Variants in PIEZO2 observed in about 807,000 individuals in gnomAD.
The protein encoded by PIEZO2 is piezo-type mechanosensitive ion channel component 2.
Under a neutral mutation model 337.3 loss-of-function variants are expected in PIEZO2, and 172 were observed. The ratio of observed to expected loss-of-function variants is 0.51; its 90% CI spans 0.45 to 0.58. The LOEUF is 0.58. PIEZO2 is among the 20% of genes least tolerant of loss of function. PIEZO2 has a pLI of 0.00. For missense variants in PIEZO2, 3,028 were observed against 3,391.3 expected (o/e 0.89, Z 2.66); for synonymous variants, 1,251 against 1,228.5 (o/e 1.02, Z -0.38).
intron 3 of PIEZO2, among the ~76,000 whole-genome samples, chr18:10,941,748 A>G (rs264157): frequency 0.57 from 86,345 of 152,048 alleles, 24,742 homozygotes; most frequent in Admixed American, 0.62. Context: ...AAATAAATTG[A>G]TTTAATGTAT....
Position 10,870,077 on chromosome 18 carries a change from T to C in PIEZO2, c.492+1176A>G, listed in dbSNP as rs2042103239. 2.0e-5 allele frequency among the ~76,000 whole-genome samples: 3 copies of C among 152,302 alleles called. No homozygotes were observed. Among genetic ancestry groups the C allele is most frequent in the Middle Eastern group, 3.4e-3 (1 of 294 alleles). The stretch of plus-strand genomic sequence containing the variant: ...TTTTAGTAGAGACAGGGTTTCACCA[T>C]GTTGGCCAGGCTGGTCTCGAACTCA... On this transcript the variant is annotated intron_variant, in intron 5 of 55. Transcript: ENST00000674853. This position sits in a 1 kb window ranked among gnomAD's most constrained non-coding sequence, Gnocchi z 5.3.
Position 10,895,840 on chromosome 18 carries a change from C to A in PIEZO2, c.329+15346G>T, listed in dbSNP as rs2042885180. ...TTGGGAGGCTGAGGTGGGCAGATCA[C>A]CTGAGGTCAGGAGTTCCAGATCAGC... On this transcript the variant is annotated intron_variant, in intron 4 of 55. Coordinates refer to ENST00000674853, the MANE Select transcript of PIEZO2 (RefSeq NM_001378183.1). This position sits in a 1 kb window ranked among gnomAD's most constrained non-coding sequence, Gnocchi z 4.8. Among the ~76,000 whole-genome samples the A allele has an allele frequency of 6.6e-6, 1 of 152,080 alleles. No individual in the cohort carries two copies. The highest frequency in any genetic ancestry group is 2.1e-4 in the South Asian group (1 of 4,826).
intron 45 of PIEZO2, among the ~76,000 whole-genome samples, 171 bp from the exon 46 acceptor site, chr18:10,696,710 C>T (rs947464884): frequency 2.0e-5 from 3 of 152,318 alleles, no homozygotes; most frequent in East Asian, 1.9e-4. Flanking sequence ...CCTGTTCTAA[C>T]GGAGAGCGTA....
rs866277990 is a variant in PIEZO2 at position 11,096,457 on chromosome 18, T to C, written c.65-30235A>G. Among the ~76,000 whole-genome samples the C allele has an allele frequency of 1.3e-5, 2 of 152,250 alleles. No individual in the cohort carries two copies. The highest frequency in any genetic ancestry group is 4.1e-4 in the South Asian group (2 of 4,822). On this transcript the variant is annotated intron_variant, in intron 1 of 55. Coordinates refer to ENST00000674853, the MANE Select transcript of PIEZO2 (RefSeq NM_001378183.1). This position sits in a 1 kb window ranked among gnomAD's most constrained non-coding sequence, Gnocchi z 4.6. ...ACACCTGGTTCTGCCTCCTAAGAGC[T>C]CTCGGACAAATGCCTCCCTGTTTCT... is the stretch of plus-strand genomic sequence containing the variant.
intron 35 of PIEZO2, among the ~76,000 whole-genome samples, chr18:10,732,948 T>C (rs1222145481): frequency 6.6e-6 from 1 of 152,220 alleles, no homozygotes; most frequent in East Asian, 1.9e-4. Flanking sequence ...GTTATCACAA[T>C]ATTGCTTTTA....
chr18:10,674,293 A>G (rs894143893), intron 54 of PIEZO2, among the ~76,000 whole-genome samples: 1 of 152,240 alleles, frequency 6.6e-6, no homozygotes, highest in Admixed American at 6.5e-5. Context: ...ATTTCATGGG[A>G]AATTACTGAT....
Position 10,672,630 on chromosome 18 carries a change from C to A in PIEZO2, c.8345+60G>T. On this transcript the variant is annotated intron_variant, in intron 55 of 55. Transcript: ENST00000674853. This position sits in a 1 kb window ranked among gnomAD's most constrained non-coding sequence, Gnocchi z 4.7. Reference sequence around the variant, plus strand: ...AAGAAGATAAAAGGCTTCCCACTCTCAACTTTACATGATACAGAAGTAGAC... The same window carrying A: ...AAGAAGATAAAAGGCTTCCCACTCTAAACTTTACATGATACAGAAGTAGAC... 1 of 1,549,364 alleles carries A rather than the reference C, an allele frequency of 6.5e-7. No homozygotes were observed. Among genetic ancestry groups the A allele is most frequent in the South Asian group, 1.2e-5 (1 of 82,404 alleles).
chr18:10,964,854 A>T (rs947293718), intron 3 of PIEZO2, among the ~76,000 whole-genome samples: 1 of 152,242 alleles, frequency 6.6e-6, no homozygotes, highest in East Asian at 1.9e-4. Flanking sequence ...GTCATACAGT[A>T]TGTGAACTTG....
At chr18:10,723,328 T>C (rs2036400855) in intron 36 of PIEZO2, among the ~76,000 whole-genome samples, 1 of 152,082 alleles carries the variant, frequency 6.6e-6, no homozygotes, top group Non-Finnish European at 1.5e-5. Context: ...TGCTGGTCAT[T>C]GGTGACCTTG....
At chr18:10,898,857 G>T (rs749131447) in intron 4 of PIEZO2, among the ~76,000 whole-genome samples, 1 of 152,236 alleles carries the variant, frequency 6.6e-6, no homozygotes, top group Non-Finnish European at 1.5e-5. Context: ...GTCAAGGAGT[G>T]GGGTGGGGGC....
At chr18:11,091,111 C>T (rs992316777) in intron 1 of PIEZO2, among the ~76,000 whole-genome samples, 3 of 151,900 alleles carry the variant, frequency 2.0e-5, no homozygotes, top group Admixed American at 1.3e-4. Context: ...TCAGGCCCGG[C>T]GCAGTGGCTC....
intron 1 of PIEZO2, among the ~76,000 whole-genome samples, chr18:11,066,920 T>C (rs935574903): frequency 1.3e-5 from 2 of 152,202 alleles, no homozygotes; most frequent in African/African-American, 4.8e-5. Context: ...TTTTTATATA[T>C]GATTAAAGTT....
In PIEZO2 at chr18:10,759,537, T is replaced by C; in HGVS notation, c.3702A>G (p.Ile1234Met). The C allele has an allele frequency of 6.5e-7, 1 of 1,537,320 alleles. No homozygotes were observed. Among genetic ancestry groups the C allele is most frequent in the African/African-American group, 1.4e-5 (1 of 73,148 alleles). Residue 1234 changes from isoleucine to methionine, a missense_variant, in exon 26 of 56, where the codon ATA becomes ATG. Physicochemically the swap from Ile to Met is conservative, Grantham distance 10. This residue lies in a region of PIEZO2 where 1,925 missense variants were observed against 2,051.9 expected (regional missense o/e 0.94). Coordinates refer to ENST00000674853, the MANE Select transcript of PIEZO2 (RefSeq NM_001378183.1). This position sits in a 1 kb window ranked among gnomAD's most constrained non-coding sequence, Gnocchi z 5.5. ...FKGASFNDNI[I>M]KWLYFPDFIV... ...TGAAATCTGGGAAGTACAGCCACTTTATGATGTTGTCATTGAAGCTGGCAC... is the reference window on the plus strand; with the variant it reads ...TGAAATCTGGGAAGTACAGCCACTTCATGATGTTGTCATTGAAGCTGGCAC...
At chr18:10,681,815 A>C in intron 50 of PIEZO2, 62 bp from the exon 51 acceptor site, 2 of 1,365,788 alleles carry the variant, frequency 1.5e-6, no homozygotes, top group South Asian at 1.2e-5. Context: ...TCCTGAGTCA[A>C]AAGAAAAACA....
In PIEZO2 at chr18:11,110,442, G is replaced by A. The variant is rs1390852556; in HGVS notation, c.64+38083C>T. 6.6e-6 allele frequency among the ~76,000 whole-genome samples: 1 copy of A among 152,252 alleles called. No homozygotes were observed. The highest frequency in any genetic ancestry group is 1.5e-5 in the Non-Finnish European group (1 of 68,048). On this transcript the variant is annotated intron_variant, in intron 1 of 55. Coordinates refer to ENST00000674853, the MANE Select transcript of PIEZO2 (RefSeq NM_001378183.1). This position sits in a 1 kb window ranked among gnomAD's most constrained non-coding sequence, Gnocchi z 4.2. ...CTGACAGGGCTTCAGCATGGGCGCTGCGGCCTTAACTCCTCACAAGTCCCG... is the reference window on the plus strand; with the variant it reads ...CTGACAGGGCTTCAGCATGGGCGCTACGGCCTTAACTCCTCACAAGTCCCG...
rs747709353 is a variant in PIEZO2 at position 10,863,341 on chromosome 18, G to A, written c.493-6130C>T. The stretch of plus-strand genomic sequence containing the variant: ...TACCTTATGCAAGCCTAACGTGATC[G>A]CATTTAATGGATAAAGCAAATATTT... On this transcript the variant is annotated intron_variant, in intron 5 of 55. Coordinates refer to ENST00000674853, the MANE Select transcript of PIEZO2 (RefSeq NM_001378183.1). This position sits in a 1 kb window ranked among gnomAD's most constrained non-coding sequence, Gnocchi z 4.3. Among the ~76,000 whole-genome samples the A allele has an allele frequency of 1.1e-4, 16 of 152,172 alleles. No homozygotes were observed. Among genetic ancestry groups the A allele is most frequent in the Non-Finnish European group, 1.6e-4 (11 of 68,028 alleles).
chr18:10,958,077 G>A (rs1052729915), intron 3 of PIEZO2, among the ~76,000 whole-genome samples: 2 of 152,310 alleles, frequency 1.3e-5, no homozygotes, highest in Non-Finnish European at 1.5e-5. Flanking sequence ...ATGTAAATTA[G>A]TACAGCCATT....
intron 3 of PIEZO2, among the ~76,000 whole-genome samples, chr18:10,957,094 C>A (rs2033570832): frequency 6.6e-6 from 1 of 151,770 alleles, no homozygotes. Flanking sequence ...AAAGGACAGT[C>A]TCCTCAATAA....
In PIEZO2 at chr18:10,814,248, C is replaced by T. The variant is rs1167517796; in HGVS notation, c.918-6974G>A. On this transcript the variant is annotated intron_variant, in intron 7 of 55. Transcript: ENST00000674853. ...CCTCCCAAAGTGCTAGGATTACAGGCATGAGCCACCGTGCCCCGTCCCATA... is the reference window on the plus strand; with the variant it reads ...CCTCCCAAAGTGCTAGGATTACAGGTATGAGCCACCGTGCCCCGTCCCATA... 3.9e-5 allele frequency among the ~76,000 whole-genome samples: 6 copies of T among 152,218 alleles called. No homozygotes were observed. In the South Asian group the frequency reaches 8.3e-4, roughly 21 times the overall value.
Sources: allele counts gnomAD v4.1 joint callset (sites outside exome capture counted in the v4.1 genomes callset), GRCh38; gene constraint gnomAD v4.1.1; regional missense constraint gnomAD v4.1.1; non-coding constraint Gnocchi (gnomAD v3.1); transcripts MANE v1.5; gene names NCBI Gene and HGNC (gene_info 2026-07-23, HGNC 2026-07-21).